Variants in USP48 observed in about 807,000 individuals in gnomAD.
USP48 encodes ubiquitin carboxyl-terminal hydrolase 48.
USP48 carries 43 observed loss-of-function variants against 150.7 expected under a neutral mutation model. That is an observed-to-expected ratio of 0.29 (90% CI 0.22 to 0.37). USP48 has a LOEUF of 0.37. Among genes scored for constraint, USP48 ranks in the 10% least tolerant of loss-of-function variants. USP48 has a pLI of 1.00. For missense variants in USP48, 813 were observed against 1,249.6 expected (o/e 0.65, Z 5.27); for synonymous variants, 396 against 425.9 (o/e 0.93, Z 0.86).
chr1:21,736,392 T>G (rs1292177083), intron 9 of USP48, 54 bp downstream of exon 9: 2 of 1,458,004 alleles, frequency 1.4e-6, no homozygotes. Flanking sequence ...CACAAATATT[T>G]CTAGTAAAAT....
At chr1:21,747,007 G>T in intron 8 of USP48, 60 bp downstream of exon 8, 1 of 1,336,390 alleles carries the variant, frequency 7.5e-7, no homozygotes, top group Non-Finnish European at 1.0e-6. Context: ...TTAATCACAA[G>T]CCGATCACAA....
At position 21,757,708 on chromosome 1, in the gene USP48, A is replaced by G. The variant is rs150521027; in HGVS notation, c.210T>C (p.Asn70=). 4.8e-3 allele frequency: 7,794 copies of G among 1,613,064 alleles called. 28 individuals are homozygous for G. Among genetic ancestry groups the G allele is most frequent in the Non-Finnish European group, 6.0e-3 (7,053 of 1,179,614 alleles). Residue 70 remains asparagine, a synonymous_variant, in exon 2 of 27, where the codon AAT becomes AAC. Transcript: ENST00000308271. ...EHIWLGEIDE[N]SFHNIDDPNC... ...TGGGATCATCGATGTTATGAAAACT[A>G]TTTTCATCTATTTCTCCTAACCAAA... is the stretch of plus-strand genomic sequence containing the variant.
intron 6 of USP48, among the ~76,000 whole-genome samples, chr1:21,750,331 A>G (rs904953848): frequency 6.6e-6 from 1 of 152,058 alleles, no homozygotes; most frequent in Non-Finnish European, 1.5e-5. Flanking sequence ...CTTGTTTCTA[A>G]CGGGGCTCAC....
At chr1:21,749,990 A>ACAC (rs1322579720) in intron 6 of USP48, among the ~76,000 whole-genome samples, 1 of 152,134 alleles carries the variant, frequency 6.6e-6, no homozygotes, top group Non-Finnish European at 1.5e-5. Context: ...GTGGTCCAAG[A>ACAC]CACCATGCAC....
rs762079604 is a variant in USP48, at chr1:21,706,453, G to A, written c.2211+14C>T. 6 of 1,613,334 alleles carry A rather than the reference G, an allele frequency of 3.7e-6. No individual in the cohort carries two copies. Among genetic ancestry groups the A allele is most frequent in the Non-Finnish European group, 5.1e-6 (6 of 1,179,874 alleles). On this transcript the variant is annotated intron_variant, in intron 17 of 26. Transcript: ENST00000308271. ...AGAAAAGATGCATTCTTTCTTTTGTGGGAATCATTATACCTCTGGCCAGTT... is the reference window on the plus strand; with the variant it reads ...AGAAAAGATGCATTCTTTCTTTTGTAGGAATCATTATACCTCTGGCCAGTT...
At chr1:21,779,003 G>C (rs1012976135) in intron 1 of USP48, among the ~76,000 whole-genome samples, 1 of 151,828 alleles carries the variant, frequency 6.6e-6, no homozygotes, top group Admixed American at 6.6e-5. Context: ...GGATGGTCTC[G>C]ATCTCCTGAC....
chr1:21,756,524 T>TC, intron 3 of USP48, 22 bp downstream of exon 3: 1 of 1,516,570 alleles, frequency 6.6e-7, no homozygotes, highest in Non-Finnish European at 8.8e-7. Flanking sequence ...AAGAGAGCTC[T>TC]CCCCCACCCC....
At chr1:21,773,663 C>T (rs1165619156) in intron 1 of USP48, among the ~76,000 whole-genome samples, 1 of 152,182 alleles carries the variant, frequency 6.6e-6, no homozygotes, top group Non-Finnish European at 1.5e-5. Flanking sequence ...ATGGTATGAA[C>T]TTTTGACATC....
chr1:21,683,793 A>G (rs1403961026), intron 25 of USP48, among the ~76,000 whole-genome samples: 1 of 152,146 alleles, frequency 6.6e-6, no homozygotes, highest in Admixed American at 6.5e-5. Flanking sequence ...CTCCCTTCAT[A>G]TGGCCCCTTT....
intron 17 of USP48, 102 bp from the exon 18 acceptor site, chr1:21,706,289 TA>T: frequency 6.6e-7 from 1 of 1,511,070 alleles, no homozygotes; most frequent in Non-Finnish European, 9.0e-7. Flanking sequence ...GTTTTATAAA[TA>T]AAATGAAAAC....
intron 23 of USP48, among the ~76,000 whole-genome samples, chr1:21,690,889 T>C (rs2097596675): frequency 6.6e-6 from 1 of 152,144 alleles, no homozygotes. Flanking sequence ...CTTTAGCAAA[T>C]GGCCTGGGGT....
At chr1:21,708,622 G>A (rs1192509638) in intron 15 of USP48, among the ~76,000 whole-genome samples, 2 of 150,842 alleles carry the variant, frequency 1.3e-5, no homozygotes, top group African/African-American at 4.9e-5. Context: ...AGTGGCTCAC[G>A]CCTGTAATCC....
At chr1:21,724,238 G>A in intron 11 of USP48, 143 bp from the exon 12 acceptor site, 1 of 819,188 alleles carries the variant, frequency 1.2e-6, no homozygotes, top group East Asian at 2.6e-5. Context: ...GAAGATGTTT[G>A]ATGAGTACGA....
Position 21,783,040 on chromosome 1 carries a change from CACCTGCCAGCAAGGAGG to C in USP48, c.-100_-84del. The C allele has an allele frequency of 2.1e-6, 3 of 1,408,510 alleles. No individual in the cohort carries two copies. The highest frequency in any genetic ancestry group is 2.7e-6 in the Non-Finnish European group (3 of 1,091,246). The allele number at this position is 1,408,510 out of a possible 1,614,324, so 87.3% of individuals were successfully genotyped here. A position where few individuals can be genotyped will look rare whatever the true frequency, so the allele number is the denominator to read the frequency against. The stretch of plus-strand genomic sequence containing the variant: ...GCACCGCCGCCCCAATGGGCTTCGC[CACCTGCCAGCAAGGAGG>C]ACCTGGCGCTCCTTCAGGCAGCTGG... On this transcript the variant is annotated 5_prime_UTR_variant, in exon 1 of 27. Transcript: ENST00000308271.
intron 8 of USP48, among the ~76,000 whole-genome samples, chr1:21,745,982 G>A (rs929582794): frequency 1.3e-5 from 2 of 152,196 alleles, no homozygotes; most frequent in African/African-American, 4.8e-5. Context: ...TTAAAGTACA[G>A]TACTGAAGAG....
chr1:21,755,397 A>G (rs2097829821), intron 3 of USP48, among the ~76,000 whole-genome samples: 1 of 151,476 alleles, frequency 6.6e-6, no homozygotes, highest in South Asian at 2.1e-4. Flanking sequence ...GCTGTCTCCA[A>G]AAAAAACACA....
intron 11 of USP48, chr1:21,726,470 C>T (rs2097737449): frequency 1.3e-5 from 2 of 152,218 alleles, no homozygotes; most frequent in African/African-American, 4.8e-5. Flanking sequence ...GCCTATAATT[C>T]TAATCTAATA....
chr1:21,710,856 G>A (rs1196892957), intron 15 of USP48, among the ~76,000 whole-genome samples: 1 of 152,008 alleles, frequency 6.6e-6, no homozygotes, highest in East Asian at 1.9e-4. Context: ...CACCCAGGCT[G>A]GAGTGCAGTG....
chr1:21,706,884 T>C lies in USP48; in HGVS notation c.1964-16A>G. On this transcript the variant is annotated splice_polypyrimidine_tract_variant and intron_variant, in intron 15 of 26. Coordinates refer to ENST00000308271, the MANE Select transcript of USP48 (RefSeq NM_032236.8). ...CATAACTCACCTGAGTTTAAAAAAA[T>C]ATATTTGGAAAAAAAAAAAACAGCT... is the stretch of plus-strand genomic sequence containing the variant. 13 of 1,568,916 alleles carry C rather than the reference T, an allele frequency of 8.3e-6. No individual in the cohort carries two copies. The highest frequency in any genetic ancestry group is 1.1e-5 in the Non-Finnish European group (13 of 1,166,242).
Sources: allele counts gnomAD v4.1 joint callset (sites outside exome capture counted in the v4.1 genomes callset), GRCh38; gene constraint gnomAD v4.1.1; transcripts MANE v1.5; gene names NCBI Gene and HGNC (gene_info 2026-07-23, HGNC 2026-07-21).